LUZP2: variants seen among roughly 807,000 people sequenced by gnomAD.
LUZP2 encodes leucine zipper protein 2.
In LUZP2, 52 loss-of-function variants were observed where a neutral mutation model predicts 51.6. The ratio of observed to expected loss-of-function variants is 1.01; its 90% CI spans 0.81 to 1.27. LUZP2 has a LOEUF of 1.27. Among genes scored for constraint, LUZP2 ranks in the 50% most tolerant of loss-of-function variants. LUZP2 has a pLI of 0.00. For synonymous variants in LUZP2, 154 were observed against 137.3 expected (o/e 1.12, Z -0.85); for missense variants, 436 against 395.4 (o/e 1.10, Z -0.87).
intron 5 of LUZP2, among the ~76,000 whole-genome samples, chr11:24,883,482 C>A (rs987568742): frequency 1.9e-4 from 29 of 152,076 alleles, no homozygotes; most frequent in African/African-American, 6.7e-4. Flanking sequence ...TAAAAAATAA[C>A]CCCCAAGTAT....
At chr11:24,503,831 T>C (rs751772264) in intron 1 of LUZP2, among the ~76,000 whole-genome samples, 10 of 152,204 alleles carry the variant, frequency 6.6e-5, no homozygotes, top group Non-Finnish European at 1.3e-4. Flanking sequence ...TTAGTACCTA[T>C]GAAGAATCCA....
At chr11:24,661,415 C>T (rs539365886) in intron 1 of LUZP2, among the ~76,000 whole-genome samples, 2 of 152,280 alleles carry the variant, frequency 1.3e-5, no homozygotes, top group Admixed American at 6.5e-5. Flanking sequence ...CACCTGCTGC[C>T]TTTTTAAAAC....
At chr11:24,774,510 AT>A (rs1565131508) in intron 5 of LUZP2, among the ~76,000 whole-genome samples, 128 of 111,258 alleles carry the variant, frequency 1.2e-3, no homozygotes, top group African/African-American at 2.3e-3. Context: ...TATAGAATAT[AT>A]TCTATATATA....
chr11:24,517,605 CATT>C (rs902898292), intron 1 of LUZP2, among the ~76,000 whole-genome samples: 1 of 139,862 alleles, frequency 7.1e-6, no homozygotes, highest in African/African-American at 2.7e-5. Context: ...ACTCCAAAAA[CATT>C]AATCACTTCA....
chr11:24,508,573 A>G (rs971914421), intron 1 of LUZP2, among the ~76,000 whole-genome samples: 1 of 152,072 alleles, frequency 6.6e-6, no homozygotes, highest in East Asian at 1.9e-4. Context: ...CCAAGTGTTA[A>G]TTGTGGGGCT....
intron 5 of LUZP2, among the ~76,000 whole-genome samples, chr11:24,768,322 C>A (rs1860273471): frequency 6.6e-6 from 1 of 152,062 alleles, no homozygotes; most frequent in Non-Finnish European, 1.5e-5. Flanking sequence ...GTTGGCCAGG[C>A]TGGTCTTGAA....
At chr11:24,739,930 T>C (rs1041928505) in intron 4 of LUZP2, among the ~76,000 whole-genome samples, 2 of 152,128 alleles carry the variant, frequency 1.3e-5, no homozygotes, top group African/African-American at 4.8e-5. Context: ...TCTGGCTCAC[T>C]GGATACCAAA....
In LUZP2 at chr11:24,649,863, CCTT is replaced by C. The variant is rs541302934; in HGVS notation, c.63-79301_63-79299del. ...GCTGAAAGCTTGGGCCACTGTCTGT[CCTT>C]CTTCAGAATTAAGTTCATTTATTTT... is the stretch of plus-strand genomic sequence containing the variant. On this transcript the variant is annotated intron_variant, in intron 1 of 11. Coordinates refer to ENST00000336930, the MANE Select transcript of LUZP2 (RefSeq NM_001009909.4). 7.2e-5 allele frequency among the ~76,000 whole-genome samples: 11 copies of C among 151,882 alleles called. No homozygotes were observed. The South Asian group carries it at 1.7e-3, about 23-fold the overall frequency.
chr11:24,922,849 T>C (rs917051588), intron 7 of LUZP2, among the ~76,000 whole-genome samples: 3 of 121,114 alleles, frequency 2.5e-5, no homozygotes, highest in East Asian at 2.2e-4. Context: ...TTTTTTTTTT[T>C]TTTTTTTTTT....
At chr11:24,627,355 T>C (rs1229193844) in intron 1 of LUZP2, among the ~76,000 whole-genome samples, 2 of 152,124 alleles carry the variant, frequency 1.3e-5, no homozygotes, top group Non-Finnish European at 2.9e-5. Flanking sequence ...AGAAAGCTTA[T>C]TGATGGCCAG....
chr11:24,604,663 C>T (rs372297713), intron 1 of LUZP2, among the ~76,000 whole-genome samples: 1 of 151,770 alleles, frequency 6.6e-6, no homozygotes, highest in Admixed American at 6.6e-5. Flanking sequence ...ATTTGTTTGA[C>T]TTTGTCCGGT....
At chr11:24,735,068 A>G (rs1485047080) in intron 3 of LUZP2, among the ~76,000 whole-genome samples, 1 of 151,994 alleles carries the variant, frequency 6.6e-6, no homozygotes, top group Non-Finnish European at 1.5e-5. Flanking sequence ...GCAACTAATA[A>G]GTCTTTCTGT....
chr11:24,983,242 C>A lies in LUZP2; in HGVS notation c.714C>A (p.Leu238=). The A allele has an allele frequency of 6.2e-7, 1 of 1,612,220 alleles. No homozygotes were observed. Among genetic ancestry groups the A allele is most frequent in the Non-Finnish European group, 8.5e-7 (1 of 1,178,832 alleles). Residue 238 remains leucine, a synonymous_variant, in exon 9 of 12, where the codon CTC becomes CTA. Coordinates refer to ENST00000336930, the MANE Select transcript of LUZP2 (RefSeq NM_001009909.4). ...CATCAAATCCAACTCGGATGTTACTCCCACCCAGGAATATTGCCTCTAAGC... is the reference window on the plus strand; with the variant it reads ...CATCAAATCCAACTCGGATGTTACTACCACCCAGGAATATTGCCTCTAAGC... ...LITSNPTRML[L]PPRNIASKLP...
intron 7 of LUZP2, among the ~76,000 whole-genome samples, chr11:24,919,710 T>G (rs1377048861): frequency 6.7e-6 from 1 of 149,994 alleles, no homozygotes; most frequent in African/African-American, 2.4e-5. Flanking sequence ...GAAAAATCCT[T>G]TCTTATTTTT....
chr11:24,831,486 C>A (rs549653686), intron 5 of LUZP2, among the ~76,000 whole-genome samples: 1 of 152,156 alleles, frequency 6.6e-6, no homozygotes, highest in African/African-American at 2.4e-5. Context: ...AAAGAAGGTA[C>A]AGGCAGTATA....
intron 5 of LUZP2, among the ~76,000 whole-genome samples, chr11:24,778,258 A>C (rs1848995746): frequency 6.6e-6 from 1 of 152,058 alleles, no homozygotes; most frequent in South Asian, 2.1e-4. Flanking sequence ...AAAATAAAAA[A>C]TAAAAAAATC....
intron 10 of LUZP2, among the ~76,000 whole-genome samples, chr11:25,053,908 A>G (rs367658062): frequency 3.3e-5 from 5 of 152,208 alleles, no homozygotes; most frequent in African/African-American, 4.8e-5. Context: ...GTGCTTCTCT[A>G]TTCTCCCATC....
intron 1 of LUZP2, among the ~76,000 whole-genome samples, chr11:24,499,235 G>A (rs1849916821): frequency 6.6e-6 from 1 of 152,158 alleles, no homozygotes; most frequent in South Asian, 2.1e-4. Flanking sequence ...TTTATAATAA[G>A]TAGCATATCT....
chr11:24,631,797 T>C (rs889576962), intron 1 of LUZP2, among the ~76,000 whole-genome samples: 2 of 152,030 alleles, frequency 1.3e-5, no homozygotes, highest in African/African-American at 2.4e-5. Context: ...AGAATGCAGC[T>C]GTGAATCTAT....
Sources: allele counts gnomAD v4.1 joint callset (sites outside exome capture counted in the v4.1 genomes callset), GRCh38; gene constraint gnomAD v4.1.1; transcripts MANE v1.5; gene names NCBI Gene and HGNC (gene_info 2026-07-23, HGNC 2026-07-21).